Variants in BBS9 observed in about 807,000 individuals in gnomAD.
BBS9 encodes Bardet-Biedl syndrome 9, also known as protein PTHB1.
A neutral mutation model predicts 117.7 loss-of-function variants in BBS9; 89 were observed. The observed-to-expected ratio is 0.76, with a 90% CI of 0.64 to 0.90. BBS9 has a LOEUF of 0.90. Among genes scored for constraint, BBS9 ranks in the 40% least tolerant of loss-of-function variants. BBS9 has a pLI of 0.00. For missense variants in BBS9, 982 were observed against 1,042.2 expected (o/e 0.94, Z 0.80); for synonymous variants, 379 against 370.9 (o/e 1.02, Z -0.25).
At chr7:33,173,783 C>T (rs572865626) in intron 4 of BBS9, among the ~76,000 whole-genome samples, 8 of 152,190 alleles carry the variant, frequency 5.3e-5, no homozygotes, top group South Asian at 2.1e-4. Flanking sequence ...TACTTATGCA[C>T]GTATAAGCTG....
intron 21 of BBS9, among the ~76,000 whole-genome samples, chr7:33,611,762 TATA>T (rs1367474967): frequency 8.0e-4 from 111 of 138,050 alleles, no homozygotes; most frequent in East Asian, 1.8e-3. Context: ...TATAATATTA[TATA>T]ATATTATTAT....
intron 17 of BBS9, among the ~76,000 whole-genome samples, chr7:33,379,022 T>C (rs1824443626): frequency 6.6e-6 from 1 of 152,230 alleles, no homozygotes; most frequent in Non-Finnish European, 1.5e-5. Context: ...TGTTTCCAGA[T>C]GTTTTTGCAA....
At chr7:33,597,865 T>G (rs1286578769) in intron 21 of BBS9, among the ~76,000 whole-genome samples, 5 of 142,386 alleles carry the variant, frequency 3.5e-5, no homozygotes, top group Non-Finnish European at 7.6e-5. Flanking sequence ...AGAAAGTGCA[T>G]GTATACCAAA....
intron 5 of BBS9, among the ~76,000 whole-genome samples, chr7:33,206,157 A>G (rs1384204680): frequency 6.6e-6 from 1 of 152,232 alleles, no homozygotes; most frequent in Non-Finnish European, 1.5e-5. Flanking sequence ...ATCTCTGCAA[A>G]TCCCCAAGTA....
At chr7:33,614,417 G>A (rs1003829536) in intron 21 of BBS9, among the ~76,000 whole-genome samples, 1 of 151,860 alleles carries the variant, frequency 6.6e-6, no homozygotes, top group African/African-American at 2.4e-5. Flanking sequence ...AATTCCGTCT[G>A]TACTTATTTG....
chr7:33,568,768 A>G (rs1343625791), intron 21 of BBS9, among the ~76,000 whole-genome samples: 2 of 152,230 alleles, frequency 1.3e-5, no homozygotes, highest in Non-Finnish European at 2.9e-5. Context: ...GTGTTATGGT[A>G]TGCTTCCCTT....
rs200515072 is a variant in BBS9 at position 33,388,099 on chromosome 7, C to A, written c.2070C>A (p.Ala690=). 1 of 1,614,110 alleles carries A rather than the reference C, an allele frequency of 6.2e-7. No homozygotes were observed. Among genetic ancestry groups the A allele is most frequent in the Non-Finnish European group, 8.5e-7 (1 of 1,179,988 alleles). ...CAAGATTCAAAGATAAAACTCCTGC[C>A]CCTCTTCAACACCTGGACACCTTGT... The part of the protein sequence containing the change: ...LLARFKDKTP[A]PLQHLDTLLD... Residue 690 remains alanine (A), a synonymous_variant, in exon 19 of 23, where the codon GCC becomes GCA. Coordinates refer to ENST00000242067, the MANE Select transcript of BBS9 (RefSeq NM_198428.3).
chr7:33,257,253 A>G lies in BBS9; in HGVS notation c.460A>G (p.Ile154Val), dbSNP rs1422430875. Residue 154 changes from isoleucine to valine, a missense_variant, in exon 6 of 23, where the codon ATC becomes GTC. Ile to Val is a conservative substitution (Grantham distance 29). Transcript: ENST00000242067. Reference protein sequence around the residue: ...GGVKGRDLICIQSMDGMLMVF... With the variant: ...GGVKGRDLICVQSMDGMLMVF... ...TTCTTTAGGTCGAGATTTAATTTGC[A>G]TCCAGTCTATGGATGGGATGCTGAT... is the stretch of plus-strand genomic sequence containing the variant. 1.2e-6 allele frequency: 2 copies of G among 1,611,694 alleles called. No individual in the cohort carries two copies. The highest frequency in any genetic ancestry group is 8.5e-7 in the Non-Finnish European group (1 of 1,178,420).
chr7:33,384,032 T>A (rs887416835), intron 18 of BBS9, among the ~76,000 whole-genome samples, 194 bp downstream of exon 18: 2 of 152,178 alleles, frequency 1.3e-5, no homozygotes, highest in Non-Finnish European at 2.9e-5. Context: ...ATTTACAGAA[T>A]GGCTGCCTGG....
At chr7:33,418,511 G>A (rs1832360785) in intron 19 of BBS9, among the ~76,000 whole-genome samples, 1 of 152,144 alleles carries the variant, frequency 6.6e-6, no homozygotes, top group Admixed American at 6.5e-5. Flanking sequence ...TTTCACAGTG[G>A]AAACCATTTT....
chr7:33,152,618 T>C, intron 2 of BBS9, 83 bp from the exon 3 acceptor site: 1 of 1,307,728 alleles, frequency 7.6e-7, no homozygotes. Context: ...GATTTCTCTT[T>C]TACACATTAG....
chr7:33,283,751 TAC>T (rs1385387584), intron 9 of BBS9, among the ~76,000 whole-genome samples: 1 of 152,210 alleles, frequency 6.6e-6, no homozygotes, highest in African/African-American at 2.4e-5. Context: ...CTTCTTATTT[TAC>T]AGTTACTCAT....
At chr7:33,393,783 C>A (rs1170636492) in intron 19 of BBS9, among the ~76,000 whole-genome samples, 1 of 152,164 alleles carries the variant, frequency 6.6e-6, no homozygotes, top group East Asian at 1.9e-4. Flanking sequence ...GACCATCATC[C>A]TGCAGTTAGC....
chr7:33,283,123 T>C (rs567727910), intron 9 of BBS9, among the ~76,000 whole-genome samples: 2 of 152,326 alleles, frequency 1.3e-5, no homozygotes, highest in Admixed American at 6.5e-5. Flanking sequence ...CATTTCTTGG[T>C]GAGTTGAGTT....
intron 20 of BBS9, among the ~76,000 whole-genome samples, chr7:33,506,379 AG>A (rs1846154471): frequency 6.6e-6 from 1 of 152,220 alleles, no homozygotes; most frequent in African/African-American, 2.4e-5. Context: ...AAACATTTCA[AG>A]GGGAAATCAT....
In BBS9 at chr7:33,486,062, A is replaced by G. The variant is rs146780701; in HGVS notation, c.2116-19401A>G. Reference sequence around the variant, plus strand: ...CGGTGTGGGAGTAGGGGGAAAGTAGAAAAACCGAAGCAGCCTCCATCTTCC... The same window carrying G: ...CGGTGTGGGAGTAGGGGGAAAGTAGGAAAACCGAAGCAGCCTCCATCTTCC... On this transcript the variant is annotated intron_variant, in intron 19 of 22. Transcript: ENST00000242067. 5.5e-3 allele frequency among the ~76,000 whole-genome samples: 841 copies of G among 152,312 alleles called. 7 individuals carry two copies. The highest frequency in any genetic ancestry group is 0.019 in the African/African-American group (793 of 41,576).
chr7:33,457,206 T>C (rs145805787), intron 19 of BBS9, among the ~76,000 whole-genome samples: 3 of 152,328 alleles, frequency 2.0e-5, no homozygotes, highest in Non-Finnish European at 2.9e-5. Context: ...GACATGCTGA[T>C]TAATGAGTCA....
At chr7:33,243,865 A>G (rs1001938016) in intron 5 of BBS9, among the ~76,000 whole-genome samples, 1 of 152,130 alleles carries the variant, frequency 6.6e-6, no homozygotes, top group African/African-American at 2.4e-5. Flanking sequence ...TTTACTTCCT[A>G]CTTATTTGTA....
At chr7:33,421,186 T>C (rs993139847) in intron 19 of BBS9, among the ~76,000 whole-genome samples, 3 of 152,124 alleles carry the variant, frequency 2.0e-5, no homozygotes, top group African/African-American at 7.2e-5. Flanking sequence ...TTAATTTTTT[T>C]TTTTTTTACT....
Sources: gnomAD v4.1 joint callset for allele counts (sites outside exome capture counted in the v4.1 genomes callset) on GRCh38, gnomAD v4.1.1 for gene constraint, MANE v1.5 for transcripts, NCBI Gene and HGNC (gene_info 2026-07-23, HGNC 2026-07-21) for gene names.